Variants in ZBTB20 observed in about 807,000 individuals in gnomAD.
ZBTB20 encodes zinc finger and BTB domain-containing protein 20.
ZBTB20 carries 9 observed loss-of-function variants against 56.9 expected under a neutral mutation model. The ratio of observed to expected loss-of-function variants is 0.16; its 90% confidence interval spans 0.10 to 0.28. The LOEUF (loss-of-function observed/expected upper bound fraction) is 0.28. Among genes scored for constraint, ZBTB20 ranks in the 10% least tolerant of loss-of-function variants. ZBTB20 has a pLI of 1.00. For synonymous variants in ZBTB20, 417 were observed against 420.7 expected, an observed-to-expected ratio of 0.99 and a Z score of 0.11; for missense variants, 655 against 1,003.0, an observed-to-expected ratio of 0.65 and a Z score of 4.69.
At chr3:114,790,085 A>C (rs2070830078) in intron 5 of ZBTB20, among the ~76,000 whole-genome samples, 1 of 152,172 alleles carries the variant, frequency 6.6e-6, no homozygotes, top group African/African-American at 2.4e-5. Flanking sequence ...TGTTGATTAA[A>C]TGAATCAGTC....
chr3:114,477,891 TTTCTTTCTTTC>T (rs1274596390), intron 7 of ZBTB20, among the ~76,000 whole-genome samples: 1 of 151,016 alleles, frequency 6.6e-6, no homozygotes, highest in African/African-American at 2.4e-5. Flanking sequence ...TTTTTCTTTC[TTTCTTTCTTTC>T]TTCTTTCCTT....
At chr3:114,767,022 T>A (rs190345983) in intron 5 of ZBTB20, among the ~76,000 whole-genome samples, 2 of 152,214 alleles carry the variant, frequency 1.3e-5, no homozygotes, top group East Asian at 3.9e-4. Flanking sequence ...CTGAGTTCTT[T>A]TTCAATTCTC....
At chr3:114,980,516 A>G (rs1280073467) in intron 2 of ZBTB20, among the ~76,000 whole-genome samples, 1 of 151,870 alleles carries the variant, frequency 6.6e-6, no homozygotes, top group East Asian at 1.9e-4. Context: ...CTTTTTTTAA[A>G]TTTCACAGGT....
chr3:114,563,059 T>C (rs2052282591), intron 6 of ZBTB20, among the ~76,000 whole-genome samples: 1 of 152,116 alleles, frequency 6.6e-6, no homozygotes, highest in Non-Finnish European at 1.5e-5. Context: ...ACAGACTCAA[T>C]ACAGGGTTGC....
chr3:114,376,230 A>C (rs1404809813), intron 10 of ZBTB20, among the ~76,000 whole-genome samples: 1 of 152,204 alleles, frequency 6.6e-6, no homozygotes, highest in Non-Finnish European at 1.5e-5. Flanking sequence ...CAGGAAAAAA[A>C]TCAAAGGATA....
chr3:115,126,018 A>C (rs924660095), intron 1 of ZBTB20, among the ~76,000 whole-genome samples: 3 of 152,178 alleles, frequency 2.0e-5, no homozygotes, highest in Non-Finnish European at 4.4e-5. Flanking sequence ...GAATCATACA[A>C]ATTTTTAAAA....
chr3:115,102,773 A>G (rs1353637712), intron 1 of ZBTB20: 1 of 152,012 alleles, frequency 6.6e-6, no homozygotes, highest in Non-Finnish European at 1.5e-5. Context: ...TCGAGACCAG[A>G]CTGGCCAACA....
intron 5 of ZBTB20, among the ~76,000 whole-genome samples, chr3:114,770,945 G>A (rs370474243): frequency 6.6e-6 from 1 of 152,024 alleles, no homozygotes; most frequent in East Asian, 1.9e-4. Flanking sequence ...TCAGATTTTG[G>A]AGCATTTCAG....
chr3:114,681,143 A>G (rs181355444), intron 6 of ZBTB20, among the ~76,000 whole-genome samples: 1 of 150,272 alleles, frequency 6.7e-6, no homozygotes, highest in African/African-American at 2.4e-5. Context: ...AATTAAAAAC[A>G]TAACTGAGCG....
At chr3:114,801,033 C>T (rs2071668719) in intron 5 of ZBTB20, 68 bp downstream of exon 5, 1 of 151,626 alleles carries the variant, frequency 6.6e-6, no homozygotes, top group Non-Finnish European at 1.5e-5. Flanking sequence ...ACTATGTTAC[C>T]AATGTTTTTG....
chr3:114,926,455 G>A (rs1269288827), intron 3 of ZBTB20, among the ~76,000 whole-genome samples: 1 of 152,046 alleles, frequency 6.6e-6, no homozygotes, highest in East Asian at 1.9e-4. Flanking sequence ...CTCCACACAA[G>A]AAGCAAAACT....
rs560554125 is a variant in ZBTB20, at chr3:114,530,711, T to C, written c.-294-30320A>G. Among the ~76,000 whole-genome samples the C allele has an allele frequency of 2.0e-5, 3 of 152,334 alleles. No homozygotes were observed. The South Asian group carries it at 6.2e-4, about 32-fold the overall frequency. Reference sequence around the variant, plus strand: ...ACAGGTATTAACTACTGTCTCAAAATGATCATCGCCCTTTTGATACTTTAC... The same window carrying C: ...ACAGGTATTAACTACTGTCTCAAAACGATCATCGCCCTTTTGATACTTTAC... On this transcript the variant is annotated intron_variant, in intron 6 of 11. Coordinates refer to ENST00000675478, the MANE Select transcript of ZBTB20 (RefSeq NM_001348800.3).
intron 4 of ZBTB20, among the ~76,000 whole-genome samples, chr3:114,868,956 G>A (rs901757229): frequency 6.6e-6 from 1 of 151,982 alleles, no homozygotes; most frequent in Admixed American, 6.6e-5. Flanking sequence ...CATATGATAA[G>A]AATGTTTGTT....
At chr3:115,022,461 T>C (rs1480711915) in intron 2 of ZBTB20, among the ~76,000 whole-genome samples, 1 of 151,078 alleles carries the variant, frequency 6.6e-6, no homozygotes, top group African/African-American at 2.4e-5. Context: ...ATTTTGAATA[T>C]TTTCACTGAC....
chr3:114,484,515 A>G (rs1203262274), intron 7 of ZBTB20, among the ~76,000 whole-genome samples: 1 of 152,172 alleles, frequency 6.6e-6, no homozygotes, highest in Non-Finnish European at 1.5e-5. Flanking sequence ...GGGGAGAAAA[A>G]TGAGTGTTCA....
chr3:115,059,872 T>C (rs573708660), intron 2 of ZBTB20, among the ~76,000 whole-genome samples: 1 of 152,302 alleles, frequency 6.6e-6, no homozygotes, highest in Non-Finnish European at 1.5e-5. Flanking sequence ...TTTCAGGGCT[T>C]ATTTTCAAGA....
At chr3:115,033,833 G>C (rs1385974633) in intron 2 of ZBTB20, among the ~76,000 whole-genome samples, 1 of 151,670 alleles carries the variant, frequency 6.6e-6, no homozygotes, top group Non-Finnish European at 1.5e-5. Context: ...TATGAGCATT[G>C]ACAAGGATTG....
chr3:114,763,264 A>G (rs1366298481), intron 5 of ZBTB20, among the ~76,000 whole-genome samples: 1 of 152,178 alleles, frequency 6.6e-6, no homozygotes, highest in Non-Finnish European at 1.5e-5. Context: ...GAAATCTTCG[A>G]CCTTCACATT....
At chr3:114,347,676 G>C (rs182422245) in intron 11 of ZBTB20, among the ~76,000 whole-genome samples, 1 of 152,246 alleles carries the variant, frequency 6.6e-6, no homozygotes, top group Non-Finnish European at 1.5e-5. Context: ...AACTTTGTTA[G>C]GTTAGGGGAT....
Sources: allele counts gnomAD v4.1 joint callset (sites outside exome capture counted in the v4.1 genomes callset), GRCh38; gene constraint gnomAD v4.1.1; transcripts MANE v1.5; gene names NCBI Gene and HGNC (gene_info 2026-07-23, HGNC 2026-07-21).